Variants in ZNF273 observed in about 807,000 individuals in gnomAD.
ZNF273 encodes the protein zinc finger protein 9.
A neutral mutation model predicts 14.9 loss-of-function variants in ZNF273; 11 were observed. The ratio of observed to expected loss-of-function variants is 0.74; its 90% CI spans 0.46 to 1.22. The LOEUF (loss-of-function observed/expected upper bound fraction) is 1.22. Ranked by LOEUF, ZNF273 falls within the 50% of genes most tolerant of loss-of-function variation. The probability of loss-of-function intolerance (pLI) is 0.00; values close to 1 mark genes in which losing one functional copy is unlikely to be tolerated. For missense variants in ZNF273, 577 were observed against 660.6 expected, an observed-to-expected ratio of 0.87 and a Z score of 1.39; for synonymous variants, 199 against 223.9, an observed-to-expected ratio of 0.89 and a Z score of 0.99.
At chr7:64,921,604 G>GTTTTTT (rs1562963033) in intron 3 of ZNF273, among the ~76,000 whole-genome samples, 2 of 54,096 alleles carry the variant, frequency 3.7e-5, no homozygotes, top group Non-Finnish European at 7.8e-5. Context: ...TCATGCTAAT[G>GTTTTTT]CTTTTTTTTT....
At chr7:64,890,740 T>C (rs1791976887), downstream of ZNF273, among the ~76,000 whole-genome samples, 2 of 152,032 alleles carry the variant, frequency 1.3e-5, no homozygotes, top group Non-Finnish European at 2.9e-5. Context: ...TTCATCCTCA[T>C]TGTGTGTGTG....
At chr7:64,920,829 C>T (rs1247464036) in intron 3 of ZNF273, among the ~76,000 whole-genome samples, 1 of 146,308 alleles carries the variant, frequency 6.8e-6, no homozygotes, top group Non-Finnish European at 1.5e-5. Context: ...CTCCGTGAGG[C>T]GATTCTCCAA....
chr7:64,926,442 A>G (rs182641616), intron 3 of ZNF273, among the ~76,000 whole-genome samples: 47 of 151,894 alleles, frequency 3.1e-4, no homozygotes, highest in Non-Finnish European at 1.0e-4. Flanking sequence ...TACCTTAACA[A>G]TTTGTTTTTG....
At chr7:64,889,434 G>C (rs975500714), downstream of ZNF273, 4 of 985,644 alleles carry the variant, frequency 4.1e-6, no homozygotes, top group African/African-American at 7.0e-5. This position sits in a 1 kb window ranked among gnomAD's most constrained non-coding sequence, Gnocchi z 4.2. Context: ...CTTCCCACTC[G>C]GGCTCGGGTG....
chr7:64,935,332 CTTG>C (rs1795051352), downstream of ZNF273, among the ~76,000 whole-genome samples: 1 of 152,090 alleles, frequency 6.6e-6, no homozygotes, highest in Non-Finnish European at 1.5e-5. Flanking sequence ...GCCTTCTTGT[CTTG>C]TTCTAGCTTT....
chr7:64,925,324 C>T (rs1794720394), intron 3 of ZNF273, among the ~76,000 whole-genome samples: 1 of 151,858 alleles, frequency 6.6e-6, no homozygotes, highest in Non-Finnish European at 1.5e-5. Context: ...ATTTGTGTAT[C>T]CATACAGATA....
At chr7:64,908,354 A>T (rs1793259831) in intron 1 of ZNF273, among the ~76,000 whole-genome samples, 1 of 152,232 alleles carries the variant, frequency 6.6e-6, no homozygotes, top group Non-Finnish European at 1.5e-5. Flanking sequence ...CTGAGGTAGT[A>T]AGCATAGCAC....
intron 1 of ZNF273, among the ~76,000 whole-genome samples, chr7:64,909,962 T>C (rs908862734): frequency 6.6e-5 from 10 of 152,186 alleles, no homozygotes; most frequent in African/African-American, 2.2e-4. Context: ...TTTTTTAATA[T>C]GCTTGTTAGC....
Position 64,930,621 on chromosome 7 carries a change from ATTAT to A in ZNF273, c.*1586_*1589del, listed in dbSNP as rs1794970940. ...TGTAGGTAAAAGATGATAGCAATATATTATTTGGTTACATAGTGGACTAACATTT... is the reference window on the plus strand; with the variant it reads ...TGTAGGTAAAAGATGATAGCAATATATTGGTTACATAGTGGACTAACATTT... On this transcript the variant is annotated 3_prime_UTR_variant, in exon 4 of 4. Coordinates refer to ENST00000476120, the MANE Select transcript of ZNF273 (RefSeq NM_021148.3). 1 of 152,172 alleles carries A rather than the reference ATTAT, an allele frequency of 6.6e-6. No homozygotes were observed. Among genetic ancestry groups the A allele is most frequent in the Admixed American group, 6.5e-5 (1 of 15,282 alleles). 9.4% of individuals were successfully genotyped at this position (152,172 alleles called of 1,614,324 possible).
At chr7:64,890,130 G>T (rs1791886154), downstream of ZNF273, 1 of 153,264 alleles carries the variant, frequency 6.5e-6, no homozygotes, top group Admixed American at 6.6e-5. Flanking sequence ...AGGCTAAGGG[G>T]CCGCTGAAGA....
chr7:64,898,344 A>AGTGTTCTTCATT (rs1792485094), upstream of ZNF273, among the ~76,000 whole-genome samples: 1 of 152,210 alleles, frequency 6.6e-6, no homozygotes, highest in Admixed American at 6.5e-5. Flanking sequence ...CATTTTAATG[A>AGTGTTCTTCATT]TGACAGTGAA....
chr7:64,921,248 G>C (rs1200683993), intron 3 of ZNF273, among the ~76,000 whole-genome samples: 4 of 151,896 alleles, frequency 2.6e-5, no homozygotes, highest in Admixed American at 6.6e-5. Context: ...ATTTTTAGTA[G>C]AGACGAGGTT....
At chr7:64,923,048 A>T (rs948130660) in intron 3 of ZNF273, among the ~76,000 whole-genome samples, 2 of 152,198 alleles carry the variant, frequency 1.3e-5, no homozygotes. Context: ...TACTAATTAT[A>T]TTATGCAACA....
chr7:64,887,973 G>A (rs1485598404), intron 1 of ZNF273, among the ~76,000 whole-genome samples: 3 of 152,014 alleles, frequency 2.0e-5, no homozygotes, highest in Non-Finnish European at 4.4e-5. Flanking sequence ...ACCTGCGCTG[G>A]AGGGCATAAC....
intron 1 of ZNF273, 46 bp downstream of exon 1, chr7:64,903,465 T>A (rs749472212): frequency 1.5e-4 from 235 of 1,553,524 alleles, no homozygotes; most frequent in Non-Finnish European, 1.2e-4. Flanking sequence ...GAGGGCCTGG[T>A]TGGAACTGGT....
chr7:64,915,010 G>A (rs1254737249), intron 1 of ZNF273, among the ~76,000 whole-genome samples: 5 of 145,614 alleles, frequency 3.4e-5, no homozygotes, highest in Non-Finnish European at 6.0e-5. Context: ...TTTAGTACTT[G>A]TAAACCTTTG....
At chr7:64,923,331 G>A (rs558336342) in intron 3 of ZNF273, 527 of 455,374 alleles carry the variant, frequency 1.2e-3, no homozygotes, top group African/African-American at 0.01. Flanking sequence ...TGTTTTGTGT[G>A]TGTGTGTGTT....
At chr7:64,922,565 G>A (rs1794547741) in intron 3 of ZNF273, among the ~76,000 whole-genome samples, 1 of 151,950 alleles carries the variant, frequency 6.6e-6, no homozygotes, top group Admixed American at 6.6e-5. Flanking sequence ...TCCTGCCTCA[G>A]CCTCCCAAAG....
chr7:64,912,826 G>GTTTTTTGTTGTTT lies in ZNF273; in HGVS notation c.103-4749_103-4748insGTTGTTTTTTTTT. 3.6e-4 allele frequency among the ~76,000 whole-genome samples: 13 copies of GTTTTTTGTTGTTT among 36,572 alleles called. 1 individual carries two copies. The highest frequency in any genetic ancestry group is 8.2e-4 in the African/African-American group (10 of 12,220). 24.0% of individuals were successfully genotyped at this position (36,572 alleles called of 152,430 possible). ...TCTTTTTGACTCAGGATTCATTTTA[G>GTTTTTTGTTGTTT]TTTTTTTTTTTTTTTTTTTTGAGAT... On this transcript the variant is annotated intron_variant, in intron 1 of 3. Coordinates refer to ENST00000476120, the MANE Select transcript of ZNF273 (RefSeq NM_021148.3).
Sources: gnomAD v4.1 joint callset for allele counts (sites outside exome capture counted in the v4.1 genomes callset) on GRCh38, gnomAD v4.1.1 for gene constraint, Gnocchi (gnomAD v3.1) non-coding constraint, MANE v1.5 for transcripts, NCBI Gene and HGNC (gene_info 2026-07-23, HGNC 2026-07-21) for gene names.